Variants in DPP6 observed in about 807,000 individuals in gnomAD.
DPP6 encodes dipeptidyl peptidase like 6.
In DPP6, 69 loss-of-function variants were observed where a neutral mutation model predicts 122.6. The observed-to-expected ratio is 0.56, with a 90% CI of 0.46 to 0.69. The LOEUF (loss-of-function observed/expected upper bound fraction) is 0.69. Ranked by LOEUF, DPP6 falls within the 30% of genes least tolerant of loss-of-function variation. The probability of loss-of-function intolerance (pLI) is 0.00; values close to 1 mark genes in which losing one functional copy is unlikely to be tolerated. For synonymous variants in DPP6, 418 were observed against 433.1 expected (o/e 0.97, Z 0.43); for missense variants, 928 against 1,116.9 (o/e 0.83, Z 2.41).
At chr7:154,091,632 G>T (rs1409056981) in intron 1 of DPP6, among the ~76,000 whole-genome samples, 1 of 130,328 alleles carries the variant, frequency 7.7e-6, no homozygotes, top group Non-Finnish European at 1.8e-5. Context: ...TGGTGAATCT[G>T]ACAGGCAAGG....
At chr7:154,687,319 G>C (rs182674298) in intron 7 of DPP6, among the ~76,000 whole-genome samples, 63 of 152,194 alleles carry the variant, frequency 4.1e-4, no homozygotes, top group African/African-American at 1.5e-3. Flanking sequence ...CCAGTCCTTT[G>C]TCCATGGATA....
chr7:153,760,372 G>A, the DPP6 span, among the ~76,000 whole-genome samples: 1 of 152,144 alleles, frequency 6.6e-6, no homozygotes, highest in Non-Finnish European at 1.5e-5. Context: ...GCAGCTCTGG[G>A]TCAATTTCAA....
chr7:154,509,048 A>G (rs10256629), intron 3 of DPP6, among the ~76,000 whole-genome samples: 80,823 of 151,876 alleles, frequency 0.53, 21,797 homozygotes, highest in Middle Eastern at 0.6. Context: ...AAACAGAGGG[A>G]TAAAGCTTTA....
intron 1 of DPP6, among the ~76,000 whole-genome samples, chr7:154,106,201 C>T (rs908813360): frequency 5.7e-5 from 8 of 141,060 alleles, no homozygotes; most frequent in Non-Finnish European, 1.2e-4. Flanking sequence ...TCCTTCTTTG[C>T]TCCCATAGCA....
chr7:153,928,941 A>G (rs1050986428), intron 1 of DPP6, among the ~76,000 whole-genome samples: 2 of 152,168 alleles, frequency 1.3e-5, no homozygotes, highest in Admixed American at 6.5e-5. Context: ...ACGTCGATTC[A>G]GAGAAAGGTA....
intron 1 of DPP6, among the ~76,000 whole-genome samples, chr7:154,258,670 C>CCCT (rs1453804418): frequency 6.6e-6 from 1 of 152,150 alleles, no homozygotes; most frequent in Non-Finnish European, 1.5e-5. Context: ...AGTGCTGGCT[C>CCCT]CCTCAGGGCC....
chr7:154,028,058 C>T lies in DPP6; in HGVS notation c.51+140324C>T, dbSNP rs964686133. 8.5e-4 allele frequency among the ~76,000 whole-genome samples: 128 copies of T among 151,434 alleles called. 4 individuals are homozygous for T. Among genetic ancestry groups the T allele is most frequent in the African/African-American group, 2.9e-3 (120 of 41,018 alleles). On this transcript the variant is annotated intron_variant, in intron 1 of 25. Coordinates refer to the DPP6 transcript ENST00000404039. ...CCACTGCATGGTGCTTCGTCACCAC[C>T]GGCCGGTGCTCCCATGGGCTGCCCA...
At chr7:154,040,299 GT>G (rs1309232358) in intron 1 of DPP6, among the ~76,000 whole-genome samples, 10 of 145,896 alleles carry the variant, frequency 6.9e-5, no homozygotes, top group African/African-American at 2.5e-4. Flanking sequence ...CCATGAAGCT[GT>G]AAGAAGTGTT....
intron 16 of DPP6, among the ~76,000 whole-genome samples, chr7:154,815,543 C>T (rs914647997): frequency 6.6e-6 from 1 of 152,180 alleles, no homozygotes; most frequent in Non-Finnish European, 1.5e-5. Context: ...TTTTTGAAAA[C>T]GACTCAATCA....
intron 1 of DPP6, among the ~76,000 whole-genome samples, chr7:154,396,158 T>G (rs1815068016): frequency 6.6e-6 from 1 of 152,238 alleles, no homozygotes; most frequent in Non-Finnish European, 1.5e-5. Context: ...GATTATGTGC[T>G]TACTATGTGC....
rs551401464 is a variant in DPP6, at chr7:154,636,925, T to A, written c.628-896T>A. 5.9e-5 allele frequency among the ~76,000 whole-genome samples: 9 copies of A among 152,336 alleles called. No individual in the cohort carries two copies. The East Asian group carries it at 1.7e-3, about 29-fold the overall frequency. On this transcript the variant is annotated intron_variant, in intron 5 of 25. Transcript: ENST00000377770. ...GTTGGTCACTGAACATTTAGCCACA[T>A]AGGGCACCAGCTCTCAGAGGTTTCA...
intron 1 of DPP6, among the ~76,000 whole-genome samples, chr7:154,207,764 T>G (rs1799524276): frequency 6.6e-6 from 1 of 152,188 alleles, no homozygotes; most frequent in South Asian, 2.1e-4. Context: ...CAGAGAATCT[T>G]TTTTTGGAAA....
At chr7:154,267,719 AC>A (rs1194416027) in intron 1 of DPP6, among the ~76,000 whole-genome samples, 14 of 126,926 alleles carry the variant, frequency 1.1e-4, no homozygotes, top group Non-Finnish European at 3.3e-5. Context: ...GTATATGCAC[AC>A]ATACATATAT....
At chr7:154,819,225 G>A (rs1799610009) in intron 16 of DPP6, among the ~76,000 whole-genome samples, 1 of 152,176 alleles carries the variant, frequency 6.6e-6, no homozygotes, top group Non-Finnish European at 1.5e-5. Flanking sequence ...GACCAGCCTG[G>A]CCAATATGGT....
intron 1 of DPP6, among the ~76,000 whole-genome samples, chr7:154,215,111 A>G (rs1799931300): frequency 1.3e-5 from 2 of 152,172 alleles, no homozygotes; most frequent in Non-Finnish European, 2.9e-5. Flanking sequence ...AACAGGTTTA[A>G]TTCACTCACA....
chr7:154,514,461 C>T (rs1826333626), intron 3 of DPP6, among the ~76,000 whole-genome samples: 1 of 152,036 alleles, frequency 6.6e-6, no homozygotes, highest in Non-Finnish European at 1.5e-5. Context: ...GGTACATTCA[C>T]ATCGCTATGC....
intron 21 of DPP6, chr7:154,884,310 TCACA>T (rs138250041): frequency 0.38 from 56,218 of 146,438 alleles, 11,175 homozygotes; most frequent in East Asian, 0.55. Flanking sequence ...ATACACCTAC[TCACA>T]CACACATGCT....
At chr7:154,594,200 A>T (rs1056693143) in intron 5 of DPP6, among the ~76,000 whole-genome samples, 5 of 152,188 alleles carry the variant, frequency 3.3e-5, no homozygotes, top group African/African-American at 9.6e-5. Context: ...ATGGCAGCTA[A>T]GTGGATTATG....
At chr7:153,805,418 AAT>A in the DPP6 span, among the ~76,000 whole-genome samples, 3 of 152,214 alleles carry the variant, frequency 2.0e-5, no homozygotes, top group African/African-American at 7.2e-5. Context: ...CAAGGAAGGT[AAT>A]CTTGGGTTAA....
Sources: allele counts gnomAD v4.1 joint callset (sites outside exome capture counted in the v4.1 genomes callset), GRCh38; gene constraint gnomAD v4.1.1; transcripts MANE v1.5; gene names NCBI Gene and HGNC (gene_info 2026-07-23, HGNC 2026-07-21).